The following PTPRT variants were observed in gnomAD, a reference collection of about 807,000 sequenced individuals.
PTPRT encodes the protein protein tyrosine phosphatase receptor type T, also known as receptor-type tyrosine-protein phosphatase T.
PTPRT carries 56 observed loss-of-function variants against 176.8 expected under a neutral mutation model. The ratio of observed to expected loss-of-function variants is 0.32; its 90% CI spans 0.26 to 0.40. The LOEUF (loss-of-function observed/expected upper bound fraction) is 0.40, where lower values mean the gene tolerates loss of function less well. Among genes scored for constraint, PTPRT ranks in the 10% least tolerant of loss-of-function variants. PTPRT has a pLI of 1.00. For missense variants in PTPRT, 1,540 were observed against 1,908.2 expected (o/e 0.81, Z 3.60); for synonymous variants, 783 against 739.0 (o/e 1.06, Z -0.96).
chr20:42,975,952 A>G (rs1405478300), intron 1 of PTPRT, among the ~76,000 whole-genome samples: 1 of 151,952 alleles, frequency 6.6e-6, no homozygotes, highest in Admixed American at 6.6e-5. Flanking sequence ...AGAACATCTT[A>G]GATAGGGTCA....
intron 1 of PTPRT, among the ~76,000 whole-genome samples, chr20:43,140,477 TG>T (rs1290140847): frequency 2.1e-5 from 2 of 94,796 alleles, no homozygotes; most frequent in African/African-American, 6.1e-5. Context: ...TGTGTGTGTG[TG>T]TGTGTGTGTG....
intron 1 of PTPRT, among the ~76,000 whole-genome samples, chr20:43,178,448 C>T (rs1463857261): frequency 6.6e-6 from 1 of 152,160 alleles, no homozygotes; most frequent in Non-Finnish European, 1.5e-5. Flanking sequence ...TTCCAATACA[C>T]ACACTTTCTA....
chr20:42,517,687 TTCATTA>T (rs1238514647), intron 7 of PTPRT, among the ~76,000 whole-genome samples: 1 of 152,072 alleles, frequency 6.6e-6, no homozygotes, highest in African/African-American at 2.4e-5. Flanking sequence ...ATATAATAGT[TTCATTA>T]TCATTAAGTT....
chr20:42,777,205 C>A (rs1398098930), intron 4 of PTPRT, among the ~76,000 whole-genome samples: 2 of 151,196 alleles, frequency 1.3e-5, no homozygotes, highest in Non-Finnish European at 3.0e-5. Flanking sequence ...AGCCTCCCTG[C>A]CCTTAGACAA....
At chr20:42,501,011 AG>A (rs1452376831) in intron 7 of PTPRT, among the ~76,000 whole-genome samples, 1 of 152,174 alleles carries the variant, frequency 6.6e-6, no homozygotes, top group Non-Finnish European at 1.5e-5. Context: ...ATCATAAAAA[AG>A]CAGCAAGGTG....
the PTPRT span, among the ~76,000 whole-genome samples, chr20:42,050,350 A>G: frequency 7.2e-5 from 11 of 152,282 alleles, no homozygotes; most frequent in South Asian, 1.2e-3. Flanking sequence ...CTTTACAGAG[A>G]TACCCCCATT....
intron 1 of PTPRT, among the ~76,000 whole-genome samples, chr20:43,080,557 A>G (rs2011412407): frequency 6.6e-6 from 1 of 152,210 alleles, no homozygotes; most frequent in Non-Finnish European, 1.5e-5. Flanking sequence ...TCAGAGGTTA[A>G]ATTTGTAGCA....
chr20:42,748,540 C>A (rs2076723228), intron 6 of PTPRT, among the ~76,000 whole-genome samples: 1 of 152,150 alleles, frequency 6.6e-6, no homozygotes, highest in South Asian at 2.1e-4. Context: ...GAGCCAGCAG[C>A]CTTGGTCACC....
chr20:42,888,172 A>G (rs2079133459), intron 1 of PTPRT, among the ~76,000 whole-genome samples: 1 of 152,222 alleles, frequency 6.6e-6, no homozygotes, highest in Non-Finnish European at 1.5e-5. Context: ...TACTCTGTAG[A>G]GGAAAGCCAC....
At chr20:42,564,200 A>C (rs1245519861) in intron 7 of PTPRT, among the ~76,000 whole-genome samples, 1 of 152,370 alleles carries the variant, frequency 6.6e-6, no homozygotes, top group South Asian at 2.1e-4. Flanking sequence ...CTTCACAGAA[A>C]GAAACAGCAA....
chr20:42,415,629 A>G (rs2059059357), intron 9 of PTPRT, among the ~76,000 whole-genome samples: 1 of 152,226 alleles, frequency 6.6e-6, no homozygotes, highest in South Asian at 2.1e-4. Context: ...AATAATCTAT[A>G]AAAATGCTAG....
chr20:42,864,621 C>G (rs915563272), intron 2 of PTPRT, among the ~76,000 whole-genome samples: 1 of 152,178 alleles, frequency 6.6e-6, no homozygotes, highest in Non-Finnish European at 1.5e-5. Context: ...AAACTTTGCT[C>G]AATAGCTTTG....
chr20:42,359,522 A>G (rs1163291787), intron 9 of PTPRT, among the ~76,000 whole-genome samples: 2 of 152,212 alleles, frequency 1.3e-5, no homozygotes, highest in Non-Finnish European at 2.9e-5. Flanking sequence ...AACATTCATG[A>G]AGGCAAAGAG....
At chr20:42,573,716 C>G (rs1183644166) in intron 7 of PTPRT, among the ~76,000 whole-genome samples, 1 of 148,180 alleles carries the variant, frequency 6.7e-6, no homozygotes, top group Admixed American at 6.7e-5. Flanking sequence ...GCACAGTGGT[C>G]TCAAAATGGC....
intron 8 of PTPRT, among the ~76,000 whole-genome samples, chr20:42,469,535 G>A (rs540481492): frequency 6.6e-6 from 1 of 152,262 alleles, no homozygotes; most frequent in South Asian, 2.1e-4. Context: ...GGAAACAAAG[G>A]CACTAAGAGG....
chr20:42,716,260 T>C (rs2076221448), intron 6 of PTPRT, among the ~76,000 whole-genome samples: 1 of 152,208 alleles, frequency 6.6e-6, no homozygotes, highest in Non-Finnish European at 1.5e-5. Flanking sequence ...GCAGAGGGTA[T>C]ATACCCAGTA....
chr20:42,789,076 C>A (rs1379619073), intron 3 of PTPRT, among the ~76,000 whole-genome samples: 1 of 152,224 alleles, frequency 6.6e-6, no homozygotes, highest in African/African-American at 2.4e-5. Flanking sequence ...GTATCCACTT[C>A]TTCAGCTATA....
chr20:42,433,009 C>T (rs757980029), intron 9 of PTPRT, among the ~76,000 whole-genome samples: 2 of 152,156 alleles, frequency 1.3e-5, no homozygotes, highest in African/African-American at 4.8e-5. Context: ...CAAAGTTTGG[C>T]TTTTCTGTTA....
At chr20:42,337,365 T>C (rs1021252102) in intron 11 of PTPRT, among the ~76,000 whole-genome samples, 34 of 152,280 alleles carry the variant, frequency 2.2e-4, no homozygotes, top group African/African-American at 8.2e-4. Context: ...GAGCTACAGG[T>C]CCTAAGATAC....
Sources: gnomAD v4.1 joint callset for allele counts (sites outside exome capture counted in the v4.1 genomes callset) on GRCh38, gnomAD v4.1.1 for gene constraint, MANE v1.5 for transcripts, NCBI Gene and HGNC (gene_info 2026-07-23, HGNC 2026-07-21) for gene names.